The following INPP5A variants were observed in gnomAD, a reference collection of about 807,000 sequenced individuals.
INPP5A encodes the protein inositol polyphosphate-5-phosphatase A.
A neutral mutation model predicts 65.2 loss-of-function variants in INPP5A; 14 were observed. The ratio of observed to expected loss-of-function variants is 0.21; its 90% CI spans 0.14 to 0.34. The LOEUF (loss-of-function observed/expected upper bound fraction) is 0.34, where lower values mean the gene tolerates loss of function less well. Ranked by LOEUF, INPP5A falls within the 10% of genes least tolerant of loss-of-function variation. The probability of loss-of-function intolerance (pLI) is 1.00; values close to 1 mark genes in which losing one functional copy is unlikely to be tolerated. For synonymous variants in INPP5A, 207 were observed against 208.3 expected, an observed-to-expected ratio of 0.99 and a Z score of 0.05; for missense variants, 431 against 545.6, an observed-to-expected ratio of 0.79 and a Z score of 2.09.
At chr10:132,734,137 C>T (rs777292020) in intron 9 of INPP5A, among the ~76,000 whole-genome samples, 1 of 152,246 alleles carries the variant, frequency 6.6e-6, no homozygotes, top group Non-Finnish European at 1.5e-5. Flanking sequence ...CATGCCCGTG[C>T]AGCCTCCAGG....
At chr10:132,763,463 G>A (rs1389363145) in intron 11 of INPP5A, among the ~76,000 whole-genome samples, 3 of 152,410 alleles carry the variant, frequency 2.0e-5, no homozygotes, top group Admixed American at 2.0e-4. Context: ...AGGCCTGTGT[G>A]TGAATGTATC....
At chr10:132,653,277 G>A (rs920669178) in intron 4 of INPP5A, among the ~76,000 whole-genome samples, 4 of 152,064 alleles carry the variant, frequency 2.6e-5, no homozygotes, top group East Asian at 1.9e-4. Flanking sequence ...CGAGGGCCGC[G>A]GCTGCCTCCA....
In INPP5A at chr10:132,706,983, G is replaced by A. The variant is rs780402504; in HGVS notation, c.475-1330G>A. Among the ~76,000 whole-genome samples, 3 of 152,210 alleles carry A rather than the reference G, an allele frequency of 2.0e-5. No homozygotes were observed. Among genetic ancestry groups the A allele is most frequent in the Admixed American group, 6.5e-5 (1 of 15,276 alleles). On this transcript the variant is annotated intron_variant, in intron 6 of 15. Coordinates refer to ENST00000368594, the MANE Select transcript of INPP5A (RefSeq NM_005539.5). The surrounding 1 kb of genome is among the most constrained non-coding windows in gnomAD (Gnocchi z 4.7). ...TGGGCAGCTGTTGTCTGGCACGTGC[G>A]CATACTGGAGGAGCCAAAGGGGACG...
chr10:132,608,923 G>A (rs536790528), intron 2 of INPP5A, among the ~76,000 whole-genome samples: 1 of 152,202 alleles, frequency 6.6e-6, no homozygotes, highest in African/African-American at 2.4e-5. Flanking sequence ...CTGGGCCAGA[G>A]GTGGAGCTGG....
At chr10:132,673,941 G>A (rs1363112692) in intron 4 of INPP5A, among the ~76,000 whole-genome samples, 23 of 152,228 alleles carry the variant, frequency 1.5e-4, no homozygotes. Context: ...ATCAGCCTTG[G>A]TGAGCGGAAG....
At chr10:132,718,241 T>C (rs1191801762) in intron 8 of INPP5A, among the ~76,000 whole-genome samples, 1 of 143,368 alleles carries the variant, frequency 7.0e-6, no homozygotes, top group Non-Finnish European at 1.5e-5. Context: ...CTGGGCACCT[T>C]AGACGGCTGT....
chr10:132,642,180 G>C (rs2072434770), intron 2 of INPP5A, among the ~76,000 whole-genome samples: 1 of 152,210 alleles, frequency 6.6e-6, no homozygotes, highest in Non-Finnish European at 1.5e-5. Context: ...TGCGGTCTGG[G>C]GACAGCCTGG....
At chr10:132,588,044 C>G (rs969404386) in intron 1 of INPP5A, among the ~76,000 whole-genome samples, 1 of 146,214 alleles carries the variant, frequency 6.8e-6, no homozygotes, top group African/African-American at 2.5e-5. Context: ...GGATTTGATC[C>G]TCTCTAATGA....
rs1845563379 is a variant in INPP5A at position 132,707,922 on chromosome 10, A to C, written c.475-391A>C. Among the ~76,000 whole-genome samples, 1 of 152,176 alleles carries C rather than the reference A, an allele frequency of 6.6e-6. No individual in the cohort carries two copies. Among genetic ancestry groups the C allele is most frequent in the African/African-American group, 2.4e-5 (1 of 41,444 alleles). On this transcript the variant is annotated intron_variant, in intron 6 of 15. Transcript: ENST00000368594. The surrounding 1 kb of genome is among the most constrained non-coding windows in gnomAD (Gnocchi z 5.5). ...CACTGTCCAGGACGCCTGGCTGGGC[A>C]CGGCTGCTCAAGTCTTCCCTGTGGT...
At chr10:132,733,636 T>C (rs1043889510) in intron 9 of INPP5A, among the ~76,000 whole-genome samples, 2 of 152,234 alleles carry the variant, frequency 1.3e-5, no homozygotes, top group African/African-American at 4.8e-5. Context: ...CTTTTGAGGC[T>C]GACTTGGACC....
intron 1 of INPP5A, among the ~76,000 whole-genome samples, chr10:132,588,848 G>C (rs972678840): frequency 6.6e-6 from 1 of 152,038 alleles, no homozygotes; most frequent in Non-Finnish European, 1.5e-5. Context: ...TTGGAGTGTG[G>C]GGTGTGGTCC....
chr10:132,628,463 C>CGGGGGGG (rs55668291), intron 2 of INPP5A, among the ~76,000 whole-genome samples: 2 of 23,314 alleles, frequency 8.6e-5, no homozygotes, highest in Non-Finnish European at 2.0e-4. Flanking sequence ...GCTCTGGTGG[C>CGGGGGGG]GGGGGGGGGG....
At chr10:132,596,324 A>C (rs1426353988) in intron 1 of INPP5A, among the ~76,000 whole-genome samples, 1 of 152,184 alleles carries the variant, frequency 6.6e-6, no homozygotes, top group Non-Finnish European at 1.5e-5. Flanking sequence ...GGCAGGGTCT[A>C]ATTTTATAAA....
intron 1 of INPP5A, among the ~76,000 whole-genome samples, chr10:132,592,084 T>TATAG (rs1188383418): frequency 2.0e-5 from 3 of 151,914 alleles, no homozygotes; most frequent in African/African-American, 7.3e-5. Flanking sequence ...AAGGCTAGAG[T>TATAG]ATAGAACTGT....
At chr10:132,737,845 C>T (rs543978625) in intron 9 of INPP5A, among the ~76,000 whole-genome samples, 2 of 152,238 alleles carry the variant, frequency 1.3e-5, no homozygotes, top group Admixed American at 6.5e-5. Context: ...TATATAGGGC[C>T]TATGACATCA....
chr10:132,540,074 CAT>C (rs771381731), intron 1 of INPP5A, among the ~76,000 whole-genome samples: 6 of 152,196 alleles, frequency 3.9e-5, no homozygotes, highest in Non-Finnish European at 7.3e-5. Context: ...TTTCCAGTAA[CAT>C]GTCACTATAG....
chr10:132,704,655 G>A lies in INPP5A; in HGVS notation c.475-3658G>A, dbSNP rs1203817144. On this transcript the variant is annotated intron_variant, in intron 6 of 15. Coordinates refer to ENST00000368594, the MANE Select transcript of INPP5A (RefSeq NM_005539.5). The surrounding 1 kb of genome is among the most constrained non-coding windows in gnomAD (Gnocchi z 4.5). ...GGTGCTGCTGGTGTGGATCCTGTGC[G>A]TGGCTGGGCCGTGGGGGGGCAGTGG... is the stretch of plus-strand genomic sequence containing the variant. Among the ~76,000 whole-genome samples, 15 of 152,230 alleles carry A rather than the reference G, an allele frequency of 9.9e-5. No individual in the cohort carries two copies. The highest frequency in any genetic ancestry group is 2.0e-4 in the Admixed American group (3 of 15,286).
intron 8 of INPP5A, among the ~76,000 whole-genome samples, chr10:132,713,132 G>C (rs546703518): frequency 6.6e-6 from 1 of 151,652 alleles, no homozygotes; most frequent in Admixed American, 6.6e-5. Flanking sequence ...GCAGGTTGTG[G>C]GTGTGTGGAG....
chr10:132,776,537 G>A (rs573045864), intron 12 of INPP5A, among the ~76,000 whole-genome samples: 1 of 152,340 alleles, frequency 6.6e-6, no homozygotes, highest in East Asian at 1.9e-4. Flanking sequence ...GACAGGTGCT[G>A]TATGATATTT....
Sources: gnomAD v4.1 joint callset for allele counts (sites outside exome capture counted in the v4.1 genomes callset) on GRCh38, gnomAD v4.1.1 for gene constraint, Gnocchi (gnomAD v3.1) non-coding constraint, MANE v1.5 for transcripts, NCBI Gene and HGNC (gene_info 2026-07-23, HGNC 2026-07-21) for gene names.